The following PIBF1 variants were observed in gnomAD, a reference collection of about 807,000 sequenced individuals.
PIBF1 encodes the protein progesterone immunomodulatory binding factor 1.
In PIBF1, 90 loss-of-function variants were observed where a neutral mutation model predicts 112.5. The observed-to-expected ratio is 0.80, with a 90% CI of 0.67 to 0.95. The LOEUF (loss-of-function observed/expected upper bound fraction) is 0.95. Ranked by LOEUF, PIBF1 falls within the 40% of genes least tolerant of loss-of-function variation. PIBF1 has a pLI of 0.00. For synonymous variants in PIBF1, 301 were observed against 288.6 expected, an observed-to-expected ratio of 1.04 and a Z score of -0.44; for missense variants, 915 against 852.3, an observed-to-expected ratio of 1.07 and a Z score of -0.92.
intron 14 of PIBF1, 139 bp from the exon 15 acceptor site, chr13:72,965,135 T>C: frequency 2.7e-6 from 2 of 737,690 alleles, no homozygotes; most frequent in Admixed American, 3.0e-5. Context: ...TCTTAAAACC[T>C]TCAAATTTAC....
chr13:72,898,650 A>G (rs988836361), intron 11 of PIBF1, among the ~76,000 whole-genome samples: 5 of 150,996 alleles, frequency 3.3e-5, no homozygotes, highest in Admixed American at 2.7e-4. Context: ...CAGCCTGACC[A>G]ACATGGAGAA....
At chr13:72,952,090 G>A (rs370603925) in intron 14 of PIBF1, among the ~76,000 whole-genome samples, 8 of 141,612 alleles carry the variant, frequency 5.6e-5, no homozygotes, top group African/African-American at 7.9e-5. Context: ...TCTGGAGTGC[G>A]GTGACACAAT....
intron 16 of PIBF1, among the ~76,000 whole-genome samples, chr13:72,975,054 C>CTT (rs568515289): frequency 1.5e-4 from 20 of 136,050 alleles, no homozygotes; most frequent in East Asian, 4.3e-4. Flanking sequence ...GAAAAAGAAA[C>CTT]TTTTTTTTTT....
intron 10 of PIBF1, among the ~76,000 whole-genome samples, chr13:72,883,704 C>T (rs1004266132): frequency 1.3e-5 from 2 of 152,118 alleles, no homozygotes; most frequent in African/African-American, 4.8e-5. Flanking sequence ...ACCAGGCTGG[C>T]CTCAAACTCC....
chr13:72,838,912 G>A (rs985039039), intron 9 of PIBF1, among the ~76,000 whole-genome samples: 1 of 152,160 alleles, frequency 6.6e-6, no homozygotes, highest in African/African-American at 2.4e-5. Flanking sequence ...ACAAAATGAA[G>A]CTTTTTGAAC....
intron 10 of PIBF1, among the ~76,000 whole-genome samples, chr13:72,886,652 T>C (rs879356648): frequency 2.6e-5 from 4 of 152,050 alleles, no homozygotes; most frequent in Admixed American, 6.6e-5. Flanking sequence ...TTTTATTTGA[T>C]CATGATATGA....
At chr13:72,844,878 T>C (rs533008929) in intron 9 of PIBF1, among the ~76,000 whole-genome samples, 1 of 150,594 alleles carries the variant, frequency 6.6e-6, no homozygotes, top group East Asian at 2.0e-4. Context: ...GACCTCAGCC[T>C]CCCAAAGTGC....
rs74223523 is a variant in PIBF1, at chr13:72,968,271, T to TTTG, written c.1964+2888_1964+2890dup. ...AGATGTTGAGCATTTGTTTTGGGGT[T>TTTG]TTGTTGTTGTTGTTGTTGTTGTTCT... is the stretch of plus-strand genomic sequence containing the variant. On this transcript the variant is annotated intron_variant, in intron 15 of 17. Coordinates refer to ENST00000326291, the MANE Select transcript of PIBF1 (RefSeq NM_006346.4). Among the ~76,000 whole-genome samples, 199 of 150,942 alleles carry TTTG rather than the reference T, an allele frequency of 1.3e-3. 1 individual carries two copies. Among genetic ancestry groups the TTTG allele is most frequent in the African/African-American group, 3.4e-3 (138 of 41,114 alleles).
chr13:72,837,802 GCTT>G (rs1232154744), intron 9 of PIBF1, among the ~76,000 whole-genome samples: 2 of 152,048 alleles, frequency 1.3e-5, no homozygotes, highest in African/African-American at 4.8e-5. Flanking sequence ...TATTTTTGTG[GCTT>G]CTTCACATAA....
chr13:72,974,668 G>C (rs899701996), intron 16 of PIBF1, among the ~76,000 whole-genome samples: 1 of 152,032 alleles, frequency 6.6e-6, no homozygotes, highest in African/African-American at 2.4e-5. Context: ...GCCATTATAT[G>C]GATGTAACCC....
intron 17 of PIBF1, among the ~76,000 whole-genome samples, chr13:73,013,731 C>CAAAAAAAAAAAAAAAAA (rs113104076): frequency 8.8e-6 from 1 of 113,056 alleles, no homozygotes. Context: ...GAGCCTATCT[C>CAAAAAAAAAAAAAAAAA]AAAAAAAAAA....
intron 16 of PIBF1, among the ~76,000 whole-genome samples, chr13:72,988,930 C>T (rs1480518764): frequency 6.6e-6 from 1 of 151,978 alleles, no homozygotes; most frequent in Non-Finnish European, 1.5e-5. Context: ...CCCAGGTACT[C>T]AGGAGGCTGA....
At chr13:72,872,430 A>T (rs2039207762) in intron 10 of PIBF1, among the ~76,000 whole-genome samples, 1 of 152,172 alleles carries the variant, frequency 6.6e-6, no homozygotes, top group Non-Finnish European at 1.5e-5. Flanking sequence ...TTAGGTATAG[A>T]AATAGAGTTG....
chr13:72,824,197 T>G (rs1353692791), intron 6 of PIBF1, among the ~76,000 whole-genome samples: 2 of 150,778 alleles, frequency 1.3e-5, no homozygotes, highest in East Asian at 3.9e-4. Flanking sequence ...TTTTTTTTTT[T>G]AAGTAGAGAC....
intron 11 of PIBF1, among the ~76,000 whole-genome samples, chr13:72,906,165 A>G (rs932138403): frequency 2.6e-5 from 4 of 152,028 alleles, no homozygotes; most frequent in African/African-American, 9.7e-5. Context: ...AAGATAATGG[A>G]CTTTTCTGGG....
At chr13:72,845,079 TC>T (rs201493119) in intron 9 of PIBF1, among the ~76,000 whole-genome samples, 22,141 of 151,910 alleles carry the variant, frequency 0.15, 1,747 homozygotes, top group Non-Finnish European at 0.17. Flanking sequence ...TATCAACGGG[TC>T]CATCTAGGTT....
chr13:72,813,152 A>C (rs939559499), intron 5 of PIBF1, among the ~76,000 whole-genome samples: 2 of 152,092 alleles, frequency 1.3e-5, no homozygotes, highest in African/African-American at 4.8e-5. Flanking sequence ...AGCTAAATGA[A>C]CTCCTACTTA....
intron 9 of PIBF1, among the ~76,000 whole-genome samples, chr13:72,839,973 C>T (rs2037533716): frequency 6.6e-6 from 1 of 152,148 alleles, no homozygotes; most frequent in African/African-American, 2.4e-5. Context: ...GATGCCCCAG[C>T]CAGCCACAGG....
intron 16 of PIBF1, among the ~76,000 whole-genome samples, chr13:72,983,536 TGAAAA>T (rs1038213968): frequency 2.1e-4 from 32 of 152,168 alleles, no homozygotes; most frequent in African/African-American, 7.5e-4. Flanking sequence ...TGTCAGATAA[TGAAAA>T]GAAAACAAAC....
Sources: allele counts gnomAD v4.1 joint callset (sites outside exome capture counted in the v4.1 genomes callset), GRCh38; gene constraint gnomAD v4.1.1; transcripts MANE v1.5; gene names NCBI Gene and HGNC (gene_info 2026-07-23, HGNC 2026-07-21).